DYNC2H1: variants seen among roughly 807,000 people sequenced by gnomAD.
The protein encoded by DYNC2H1 is cytoplasmic dynein 2 heavy chain 1.
A neutral mutation model predicts 570.0 loss-of-function variants in DYNC2H1; 410 were observed. That is an observed-to-expected ratio of 0.72 (90% CI 0.66 to 0.78). The LOEUF is 0.78. Ranked by LOEUF, DYNC2H1 falls within the 30% of genes least tolerant of loss-of-function variation. The pLI is 0.00. For synonymous variants in DYNC2H1, 1,688 were observed against 1,677.6 expected (o/e 1.01, Z -0.15); for missense variants, 4,865 against 5,046.4 (o/e 0.96, Z 1.09).
At chr11:103,310,376 T>C (rs1160266084) in intron 78 of DYNC2H1, among the ~76,000 whole-genome samples, 4 of 152,160 alleles carry the variant, frequency 2.6e-5, no homozygotes, top group Non-Finnish European at 4.4e-5. Context: ...TGTCTTTGGC[T>C]TTATTTCATA....
At chr11:103,403,109 T>A (rs1382462984) in intron 84 of DYNC2H1, 1 of 152,124 alleles carries the variant, frequency 6.6e-6, no homozygotes, top group Non-Finnish European at 1.5e-5. Context: ...TTTAGTAAAG[T>A]TGAACTATTC....
intron 15 of DYNC2H1, 75 bp downstream of exon 15, chr11:103,134,494 C>A: frequency 1.7e-6 from 2 of 1,164,746 alleles, no homozygotes; most frequent in Non-Finnish European, 2.4e-6. Flanking sequence ...ATATGAATTG[C>A]CGAGAAGTTC....
At chr11:103,178,076 T>C (rs1049491443) in intron 38 of DYNC2H1, among the ~76,000 whole-genome samples, 15 of 152,160 alleles carry the variant, frequency 9.9e-5, no homozygotes, top group Non-Finnish European at 1.9e-4. Flanking sequence ...TAGATTAATT[T>C]ACTGAATGAA....
intron 30 of DYNC2H1, among the ~76,000 whole-genome samples, chr11:103,164,008 A>T (rs666066): frequency 6.6e-6 from 1 of 152,170 alleles, no homozygotes; most frequent in African/African-American, 2.4e-5. Flanking sequence ...GCAAACTGAA[A>T]TGTTTCAAAA....
chr11:103,289,174 C>T lies in DYNC2H1; in HGVS notation c.11095+1569C>T, dbSNP rs1456505688. On this transcript the variant is annotated intron_variant, in intron 75 of 88. Transcript: ENST00000375735. The surrounding 1 kb of genome is among the most constrained non-coding windows in gnomAD (Gnocchi z 4.2). ...CAATGTGACCAATCAGCACTCCCCA[C>T]TTCCTAAGCCCCTACTCACCAAATC... 6.6e-6 allele frequency among the ~76,000 whole-genome samples: 1 copy of T among 152,206 alleles called. No individual in the cohort carries two copies. The highest frequency in any genetic ancestry group is 1.5e-5 in the Non-Finnish European group (1 of 68,030).
Position 103,204,819 on chromosome 11 carries a change from TA to T in DYNC2H1, c.8312-2del. The T allele has an allele frequency of 6.3e-7, 1 of 1,579,414 alleles. No homozygotes were observed. The highest frequency in any genetic ancestry group is 8.6e-7 in the Non-Finnish European group (1 of 1,161,026). The stretch of plus-strand genomic sequence containing the variant: ...TGTATTATTATTCTTATATATTTCT[TA>T]GGAATTCAGCAAAACTTGCATATTG... On this transcript the variant is annotated splice_acceptor_variant, in intron 51 of 88. Coordinates refer to ENST00000375735, the MANE Select transcript of DYNC2H1 (RefSeq NM_001377.3). LOFTEE classifies it high-confidence loss of function. This position sits in a 1 kb window ranked among gnomAD's most constrained non-coding sequence, Gnocchi z 4.1.
At position 103,282,273 on chromosome 11, in the gene DYNC2H1, T is replaced by C. The variant is rs761769902; in HGVS notation, c.10812+44T>C. On this transcript the variant is annotated intron_variant, in intron 72 of 88. Transcript: ENST00000375735. Reference sequence around the variant, plus strand: ...ATCTATTTTGCTCTTAAAGAAAATATTTCTGGCTTTTTGTTCATGAGGTAT... The same window carrying C: ...ATCTATTTTGCTCTTAAAGAAAATACTTCTGGCTTTTTGTTCATGAGGTAT... The C allele has an allele frequency of 4.4e-6, 7 of 1,577,858 alleles. No homozygotes were observed. The South Asian group carries it at 4.6e-5, about 10-fold the overall frequency.
chr11:103,213,988 T>A (rs1565401214), intron 54 of DYNC2H1, among the ~76,000 whole-genome samples: 1 of 152,156 alleles, frequency 6.6e-6, no homozygotes, highest in African/African-American at 2.4e-5. Flanking sequence ...TTTAATTCAT[T>A]TTGAGTTGAT....
chr11:103,311,331 A>AT (rs1348562643), intron 78 of DYNC2H1, among the ~76,000 whole-genome samples: 1 of 152,140 alleles, frequency 6.6e-6, no homozygotes, highest in Non-Finnish European at 1.5e-5. Flanking sequence ...ATTTTTAAAG[A>AT]TTTTATACTA....
At chr11:103,118,351 CT>C (rs1286259497) in intron 6 of DYNC2H1, among the ~76,000 whole-genome samples, 3 of 150,210 alleles carry the variant, frequency 2.0e-5, no homozygotes, top group African/African-American at 7.3e-5. Context: ...TTATTAGAGA[CT>C]TTTTTAAAAA....
rs1372823778 is a variant in DYNC2H1, at chr11:103,303,166, C to T, written c.11169C>T (p.Ile3723=). The change falls in exon 76 of 89, where the codon ATC becomes ATT. Residue 3723 remains isoleucine (I), a synonymous_variant. Coordinates refer to ENST00000375735, the MANE Select transcript of DYNC2H1 (RefSeq NM_001377.3). ...AAGAGACACTGGAAATTGAACCCAT[C>T]TTGATAATTATTTCTCCGGGTGCTG... The part of the protein sequence containing the change: ...LYKETLEIEP[I]LIIISPGADP... 1.2e-6 allele frequency: 2 copies of T among 1,612,376 alleles called. No homozygotes were observed. Among genetic ancestry groups the T allele is most frequent in the African/African-American group, 1.3e-5 (1 of 74,866 alleles).
intron 65 of DYNC2H1, among the ~76,000 whole-genome samples, chr11:103,248,261 T>A (rs901451817): frequency 8.6e-5 from 13 of 152,026 alleles, no homozygotes; most frequent in Admixed American, 7.9e-4. Flanking sequence ...TGCAATACAA[T>A]GTGAAAAGTT....
chr11:103,115,336 A>G (rs753678228), intron 4 of DYNC2H1, 41 bp downstream of exon 4: 2 of 1,375,034 alleles, frequency 1.5e-6, no homozygotes, highest in Non-Finnish European at 2.0e-6. Context: ...GCTTCTTATA[A>G]AAGTACTTTG....
rs886986212 is a variant in DYNC2H1 at position 103,326,244 on chromosome 11, C to A, written c.12039+2254C>A. On this transcript the variant is annotated intron_variant, in intron 82 of 88. Coordinates refer to ENST00000375735, the MANE Select transcript of DYNC2H1 (RefSeq NM_001377.3). The surrounding 1 kb of genome is among the most constrained non-coding windows in gnomAD (Gnocchi z 6.1). Reference sequence around the variant, plus strand: ...ACGTTCTTGGGAGTAGAGGGAGGGGCGGGGAATAAAATCATCTCACCAGGG... The same window carrying A: ...ACGTTCTTGGGAGTAGAGGGAGGGGAGGGGAATAAAATCATCTCACCAGGG... Among the ~76,000 whole-genome samples the A allele has an allele frequency of 6.6e-6, 1 of 151,568 alleles. No individual in the cohort carries two copies. The highest frequency in any genetic ancestry group is 1.5e-5 in the Non-Finnish European group (1 of 67,948).
At chr11:103,119,628 C>T (rs1202855856) in intron 6 of DYNC2H1, among the ~76,000 whole-genome samples, 1 of 152,238 alleles carries the variant, frequency 6.6e-6, no homozygotes, top group Non-Finnish European at 1.5e-5. Flanking sequence ...GCGTGAGCCA[C>T]TGCACCTGGC....
chr11:103,303,413 G>T (rs1867133929), intron 76 of DYNC2H1, among the ~76,000 whole-genome samples, 160 bp downstream of exon 76: 4 of 152,100 alleles, frequency 2.6e-5, no homozygotes, highest in Admixed American at 2.6e-4. Context: ...ATTTTCCATG[G>T]CAAAAGGAAC....
Position 103,325,374 on chromosome 11 carries a change from GT to G in DYNC2H1, c.12039+1386del, listed in dbSNP as rs2135447855. On this transcript the variant is annotated intron_variant, in intron 82 of 88. Coordinates refer to ENST00000375735, the MANE Select transcript of DYNC2H1 (RefSeq NM_001377.3). This position sits in a 1 kb window ranked among gnomAD's most constrained non-coding sequence, Gnocchi z 4.8. ...CATTTAAGTCTTTAATCCATCTTGA[GT>G]TGATTTTTGTATATGGTGGAAGGAG... Among the ~76,000 whole-genome samples the G allele has an allele frequency of 6.6e-6, 1 of 152,256 alleles. No individual in the cohort carries two copies. Among genetic ancestry groups the G allele is most frequent in the Non-Finnish European group, 1.5e-5 (1 of 68,014 alleles).
intron 88 of DYNC2H1, among the ~76,000 whole-genome samples, chr11:103,475,963 T>C (rs966445829): frequency 4.6e-5 from 7 of 152,166 alleles, no homozygotes; most frequent in Non-Finnish European, 1.0e-4. Context: ...AAAGCAAATA[T>C]CAGGTGTTGG....
intron 74 of DYNC2H1, among the ~76,000 whole-genome samples, chr11:103,286,843 T>C (rs1328184290): frequency 1.3e-5 from 2 of 152,190 alleles, no homozygotes; most frequent in African/African-American, 2.4e-5. Flanking sequence ...TCTTCAGAAG[T>C]TGATGCTCCA....
Sources: gnomAD v4.1 joint callset for allele counts (sites outside exome capture counted in the v4.1 genomes callset) on GRCh38, gnomAD v4.1.1 for gene constraint, Gnocchi (gnomAD v3.1) non-coding constraint, MANE v1.5 for transcripts, NCBI Gene and HGNC (gene_info 2026-07-23, HGNC 2026-07-21) for gene names.